Variants in ZNF565 observed in about 807,000 individuals in gnomAD.
ZNF565 encodes zinc finger protein 565.
In ZNF565, 27 loss-of-function variants were observed where a neutral mutation model predicts 39.4. That is an observed-to-expected ratio of 0.69 (90% CI 0.51 to 0.95). The LOEUF (loss-of-function observed/expected upper bound fraction) is 0.95. ZNF565 is among the 40% of genes least tolerant of loss of function. The probability of loss-of-function intolerance (pLI) is 0.00; values close to 1 mark genes in which losing one functional copy is unlikely to be tolerated. For synonymous variants in ZNF565, 185 were observed against 216.6 expected (o/e 0.85, Z 1.28); for missense variants, 524 against 621.1 (o/e 0.84, Z 1.66).
At chr19:36,183,788 A>G in intron 4 of ZNF565, 55 bp from the exon 5 acceptor site, 1 of 1,515,404 alleles carries the variant, frequency 6.6e-7, no homozygotes, top group Non-Finnish European at 8.9e-7. Context: ...ATGAGAAATA[A>G]AAAATTCTAT....
At chr19:36,233,290 GAA>G (rs1977472742) in intron 1 of ZNF565, among the ~76,000 whole-genome samples, 1 of 152,138 alleles carries the variant, frequency 6.6e-6, no homozygotes, top group African/African-American at 2.4e-5. Context: ...GAGGCTTCAA[GAA>G]TCACTTGAAG....
intron 4 of ZNF565, 124 bp from the exon 5 acceptor site, chr19:36,183,857 CGGGT>C: frequency 1.2e-6 from 1 of 813,518 alleles, no homozygotes. Context: ...GAGGCTGAGG[CGGGT>C]GGATCACAAG....
chr19:36,237,345 G>A (rs777456406), intron 1 of ZNF565: 1 of 1,559,104 alleles, frequency 6.4e-7, no homozygotes, highest in South Asian at 1.2e-5. Flanking sequence ...CTTGAAAGTG[G>A]GAAAGCTTTC....
At chr19:36,191,205 C>T (rs975611698) in intron 4 of ZNF565, among the ~76,000 whole-genome samples, 2 of 151,144 alleles carry the variant, frequency 1.3e-5, no homozygotes, top group African/African-American at 4.9e-5. Flanking sequence ...GTTTGCCGAC[C>T]CCTGGTCTAG....
intron 1 of ZNF565, among the ~76,000 whole-genome samples, chr19:36,202,742 G>A (rs536453354): frequency 1.3e-5 from 2 of 152,086 alleles, no homozygotes; most frequent in South Asian, 2.1e-4. Flanking sequence ...ATCCCTAAAC[G>A]AAGTCTTCTA....
chr19:36,196,728 C>T (rs192099462), intron 2 of ZNF565, among the ~76,000 whole-genome samples: 49 of 152,198 alleles, frequency 3.2e-4, no homozygotes, highest in Middle Eastern at 6.8e-3. Context: ...AATCCCAGCA[C>T]TTTGGGAGGC....
chr19:36,203,908 G>C (rs188583559), intron 1 of ZNF565, among the ~76,000 whole-genome samples: 236 of 151,692 alleles, frequency 1.6e-3, no homozygotes, highest in Non-Finnish European at 2.1e-3. Context: ...GATCTAATTA[G>C]AGGTCCAAGA....
chr19:36,245,674 G>C lies in ZNF565; in HGVS notation c.-144C>G. 1.5e-6 allele frequency: 1 copy of C among 662,450 alleles called. No homozygotes were observed. The allele number at this position is 662,450 out of a possible 1,614,324, so 41.0% of individuals were successfully genotyped here. On this transcript the variant is annotated 5_prime_UTR_variant, in exon 1 of 5. Coordinates refer to the ZNF565 transcript ENST00000355114. This position sits in a 1 kb window ranked among gnomAD's most constrained non-coding sequence, Gnocchi z 4.4. Reference sequence around the variant, plus strand: ...GAGTCTCTGGTGCCCGGGTGAATGGGTTCAGGGTCTCTTAAGGACCCTCCG... The same window carrying C: ...GAGTCTCTGGTGCCCGGGTGAATGGCTTCAGGGTCTCTTAAGGACCCTCCG...
intron 3 of ZNF565, 50 bp from the exon 4 acceptor site, chr19:36,194,378 A>C: frequency 1.4e-6 from 2 of 1,442,288 alleles, no homozygotes; most frequent in African/African-American, 1.4e-5. Context: ...CCAAAATCCA[A>C]ACCCAGTTCC....
At chr19:36,185,344 G>A (rs1302496261) in intron 4 of ZNF565, among the ~76,000 whole-genome samples, 1 of 151,302 alleles carries the variant, frequency 6.6e-6, no homozygotes, top group Admixed American at 6.6e-5. Flanking sequence ...AATCCGGGAG[G>A]CAGAGGTTGT....
chr19:36,216,112 A>C (rs929034936), upstream of ZNF565, among the ~76,000 whole-genome samples: 1 of 152,236 alleles, frequency 6.6e-6, no homozygotes, highest in African/African-American at 2.4e-5. Flanking sequence ...GTACCAAGTT[A>C]ATATCTATAA....
intron 4 of ZNF565, among the ~76,000 whole-genome samples, chr19:36,190,810 G>A (rs1975505879): frequency 6.6e-6 from 1 of 151,672 alleles, no homozygotes; most frequent in African/African-American, 2.4e-5. Context: ...TGGCCAACAT[G>A]GCGAAATCCT....
chr19:36,194,933 C>A, intron 3 of ZNF565, 97 bp downstream of exon 3: 1 of 1,580,242 alleles, frequency 6.3e-7, no homozygotes, highest in South Asian at 1.1e-5. Context: ...ACAGTTTCCT[C>A]TCCTCACCCA....
chr19:36,200,920 G>A (rs550241932), intron 2 of ZNF565, among the ~76,000 whole-genome samples: 2 of 151,788 alleles, frequency 1.3e-5, no homozygotes, highest in South Asian at 2.1e-4. Context: ...AAGTAGCTGC[G>A]ATTATAGGCA....
At chr19:36,237,429 TA>T in intron 1 of ZNF565, 1 of 1,354,258 alleles carries the variant, frequency 7.4e-7, no homozygotes, top group Non-Finnish European at 9.9e-7. Flanking sequence ...AGGTTAACTT[TA>T]ACAAGTACTA....
intron 4 of ZNF565, among the ~76,000 whole-genome samples, chr19:36,192,398 C>CTAAT (rs1417334691): frequency 6.6e-6 from 1 of 152,032 alleles, no homozygotes; most frequent in Non-Finnish European, 1.5e-5. Context: ...TGTGAGAAAA[C>CTAAT]ATTAGACAAA....
chr19:36,214,123 C>G (rs776062037), intron 1 of ZNF565, among the ~76,000 whole-genome samples: 1 of 151,976 alleles, frequency 6.6e-6, no homozygotes, highest in Non-Finnish European at 1.5e-5. Context: ...AGTGGCACCC[C>G]ACTCCCGCAT....
chr19:36,188,437 T>G (rs1975396141), intron 4 of ZNF565, among the ~76,000 whole-genome samples: 1 of 150,246 alleles, frequency 6.7e-6, no homozygotes, highest in South Asian at 2.1e-4. Context: ...GGGGGCCGCA[T>G]GTGGTAGGTC....
intron 1 of ZNF565, among the ~76,000 whole-genome samples, chr19:36,211,449 T>TCTCACACACACACACACACA (rs1229625965): frequency 7.3e-6 from 1 of 137,676 alleles, no homozygotes; most frequent in African/African-American, 2.7e-5. Context: ...CAACTCTCTC[T>TCTCACACACACACACACACA]CACACACACA....
Sources: gnomAD v4.1 joint callset for allele counts (sites outside exome capture counted in the v4.1 genomes callset) on GRCh38, gnomAD v4.1.1 for gene constraint, Gnocchi (gnomAD v3.1) non-coding constraint, MANE v1.5 for transcripts, NCBI Gene and HGNC (gene_info 2026-07-23, HGNC 2026-07-21) for gene names.